The following TUBGCP6 variants were observed in gnomAD, a reference collection of about 807,000 sequenced individuals.
The protein encoded by TUBGCP6 is tubulin gamma complex component 6.
TUBGCP6 carries 161 observed loss-of-function variants against 175.8 expected under a neutral mutation model. The ratio of observed to expected loss-of-function variants is 0.92; its 90% CI spans 0.81 to 1.04. TUBGCP6 has a LOEUF of 1.04. TUBGCP6 is among the 50% of genes least tolerant of loss of function. The pLI is 0.00. For missense variants in TUBGCP6, 2,572 were observed against 2,433.0 expected (o/e 1.06, Z -1.20); for synonymous variants, 1,173 against 1,030.5 (o/e 1.14, Z -2.65).
chr22:50,238,086 T>G (rs929754798), intron 2 of TUBGCP6, among the ~76,000 whole-genome samples: 1 of 150,820 alleles, frequency 6.6e-6, no homozygotes, highest in African/African-American at 2.4e-5. Context: ...TGAGCCAAGA[T>G]TGCGCCATTG....
chr22:50,240,871 C>G (rs1232995601), intron 1 of TUBGCP6, among the ~76,000 whole-genome samples: 1 of 152,146 alleles, frequency 6.6e-6, no homozygotes, highest in Non-Finnish European at 1.5e-5. Flanking sequence ...CACCTGTGGT[C>G]CCAGCTACTC....
chr22:50,236,235 A>T (rs532632613), intron 2 of TUBGCP6, among the ~76,000 whole-genome samples: 2 of 152,006 alleles, frequency 1.3e-5, no homozygotes, highest in South Asian at 4.2e-4. Flanking sequence ...TGCTGGGTTC[A>T]CACCATTCTC....
intron 2 of TUBGCP6, among the ~76,000 whole-genome samples, chr22:50,237,164 G>A (rs190224042): frequency 6.6e-4 from 101 of 152,352 alleles, no homozygotes; most frequent in African/African-American, 2.1e-3. Flanking sequence ...TCAGCAGCAG[G>A]GAGGGCCGTG....
rs753188505 is a variant in TUBGCP6, at chr22:50,218,876, C to T, written c.4648G>A (p.Gly1550Arg). Reference protein sequence around the residue: ...FEKLGAGQTPGELLNPLVLNS... With the variant: ...FEKLGAGQTPRELLNPLVLNS... ...AGCACCAGCGGGTTGAGCAGCTCTCCGGGCGTTTGCCCAGCTCCAAGCTAG... is the reference window on the plus strand; with the variant it reads ...AGCACCAGCGGGTTGAGCAGCTCTCTGGGCGTTTGCCCAGCTCCAAGCTAG... The change falls in exon 21 of 25, where the codon GGA (glycine) becomes AGA (arginine). Residue 1550 changes from glycine to arginine, a missense_variant. Transcript: ENST00000248846. The T allele has an allele frequency of 1.5e-5, 24 of 1,612,366 alleles. No individual in the cohort carries two copies. The highest frequency in any genetic ancestry group is 9.9e-5 in the South Asian group (9 of 90,994).
Position 50,220,690 on chromosome 22 carries a change from G to A in TUBGCP6, c.3669C>T (p.Ile1223=). 6.2e-7 allele frequency: 1 copy of A among 1,610,694 alleles called. No homozygotes were observed. Among genetic ancestry groups the A allele is most frequent in the Non-Finnish European group, 8.5e-7 (1 of 1,179,726 alleles). ...CGTCCGATACGTTCTCCCCAACCCT[G>A]ATGCTGGTGTCAGACACATGTCCGT... is the stretch of plus-strand genomic sequence containing the variant. The part of the protein sequence containing the change: ...NTHGHVSDTS[I]RVGENVSDVA... The change falls in exon 16 of 25, where the codon ATC becomes ATT. Residue 1223 remains isoleucine, a synonymous_variant. Transcript: ENST00000248846.
chr22:50,220,111 TCCCCCACAGCAG>T (rs2064491438), intron 16 of TUBGCP6, 96 bp from the exon 17 acceptor site: 1 of 1,552,920 alleles, frequency 6.4e-7, no homozygotes, highest in South Asian at 1.2e-5. Context: ...CCCTCCCATG[TCCCCCACAGCAG>T]CCCAGGTCCT....
In TUBGCP6 at chr22:50,219,229, G is replaced by C. The variant is rs924165470; in HGVS notation, c.4485-20C>G. 6.2e-7 allele frequency: 1 copy of C among 1,610,946 alleles called. No individual in the cohort carries two copies. Among genetic ancestry groups the C allele is most frequent in the African/African-American group, 1.3e-5 (1 of 74,942 alleles). On this transcript the variant is annotated intron_variant, in intron 19 of 24. Transcript: ENST00000248846. ...GAGATGCTGGCAGGAGGGAGCTGGA[G>C]TCAGGGCGGGCCAGGACGGGCTGGG...
Position 50,218,033 on chromosome 22 carries a change from G to A in TUBGCP6, c.5253C>T (p.Leu1751=), listed in dbSNP as rs753483095. The change falls in exon 24 of 25, where the codon CTC becomes CTT. Residue 1751 remains leucine (L), a synonymous_variant. Coordinates refer to ENST00000248846, the MANE Select transcript of TUBGCP6 (RefSeq NM_020461.4). ...FSLVLKFRSQ[L]ISQAWGPPGG... is the part of the protein sequence containing the mutation. ...CAGGGGGCCCCCAGGCCTGGGAGAT[G>A]AGCTGGCTGCGGAACTTGAGCACGA... The A allele has an allele frequency of 9.9e-6, 16 of 1,613,362 alleles. No individual in the cohort carries two copies. The African/African-American group carries it at 1.6e-4, about 16-fold the overall frequency.
chr22:50,225,370 T>C (rs948197542), intron 10 of TUBGCP6, among the ~76,000 whole-genome samples: 2 of 151,666 alleles, frequency 1.3e-5, no homozygotes, highest in Admixed American at 6.6e-5. Flanking sequence ...CCTGACACAC[T>C]GTCCCTTCCC....
chr22:50,229,255 C>T, intron 4 of TUBGCP6, 149 bp downstream of exon 4: 1 of 912,272 alleles, frequency 1.1e-6, no homozygotes. Context: ...ACCCATCCCT[C>T]AAGAGCCACT....
In TUBGCP6 at chr22:50,218,505, A is replaced by C. The variant is rs143986659; in HGVS notation, c.4937T>G (p.Phe1646Cys). ...GGCCTCACCTGTGCGCTTGAGGTGG[A>C]AGCAGACGTCCTTGAGCGCCCACAT... ...LMMWALKDVC[F>C]HLKRTALLSH... Residue 1646 changes from phenylalanine to cysteine, a missense_variant, in exon 22 of 25, where the codon TTC becomes TGC. By Grantham distance (205) the Phe-to-Cys change is radical. Coordinates refer to ENST00000248846, the MANE Select transcript of TUBGCP6 (RefSeq NM_020461.4). The C allele has an allele frequency of 6.2e-6, 10 of 1,613,430 alleles. No homozygotes were observed. Among genetic ancestry groups the C allele is most frequent in the African/African-American group, 4.0e-5 (3 of 74,876 alleles).
intron 3 of TUBGCP6, among the ~76,000 whole-genome samples, chr22:50,231,437 G>A (rs996556540): frequency 6.6e-6 from 1 of 151,760 alleles, no homozygotes; most frequent in Non-Finnish European, 1.5e-5. Context: ...CTGGGCGACA[G>A]AGTGAGAATC....
chr22:50,224,157 GCTC>G lies in TUBGCP6; in HGVS notation c.2251_2253del (p.Glu751del). 2.5e-6 allele frequency: 4 copies of G among 1,613,666 alleles called. No homozygotes were observed. The highest frequency in any genetic ancestry group is 3.4e-6 in the Non-Finnish European group (4 of 1,179,980). ...CTGCCCTACCTCGCCTTCCTCTCCA[GCTC>G]CTCCTCCAGGGACTTCAGCCTTCTC... On this transcript the variant is annotated inframe_deletion, in exon 13 of 25. Transcript: ENST00000248846.
chr22:50,236,742 T>G (rs541544910), intron 2 of TUBGCP6, among the ~76,000 whole-genome samples: 1 of 152,272 alleles, frequency 6.6e-6, no homozygotes, highest in East Asian at 1.9e-4. Context: ...CCAGGCTCCC[T>G]CAGGATGAGA....
In TUBGCP6 at chr22:50,221,452, G is replaced by T; in HGVS notation, c.2907C>A (p.Pro969=). The T allele has an allele frequency of 6.3e-7, 1 of 1,595,082 alleles. No individual in the cohort carries two copies. The highest frequency in any genetic ancestry group is 2.3e-5 in the East Asian group (1 of 44,040). Residue 969 remains proline (P), a synonymous_variant, in exon 16 of 25, where the codon CCC becomes CCA. Transcript: ENST00000248846. ...CCAAGCTGCACTCTGCAGCCTGCAG[G>T]GGCCCTGGTGCAGGTGAGGTGGCCA... ...PAVATSPAPG[P]LQAAECSLGS...
chr22:50,238,723 G>C (rs1226076345), intron 2 of TUBGCP6, among the ~76,000 whole-genome samples: 1 of 152,110 alleles, frequency 6.6e-6, no homozygotes, highest in Non-Finnish European at 1.5e-5. Flanking sequence ...ATTTTTAGTA[G>C]AGACGGGGTT....
intron 2 of TUBGCP6, among the ~76,000 whole-genome samples, chr22:50,237,337 C>T (rs2064789467): frequency 6.6e-6 from 1 of 152,224 alleles, no homozygotes; most frequent in South Asian, 2.1e-4. Flanking sequence ...CTGGTCAGAG[C>T]TCATCACAGC....
rs565458864 is a variant in TUBGCP6 at position 50,232,490 on chromosome 22, T to C, written c.1116+826A>G. Among the ~76,000 whole-genome samples, 210 of 150,272 alleles carry C rather than the reference T, an allele frequency of 1.4e-3. 1 individual carries two copies. Among genetic ancestry groups the C allele is most frequent in the African/African-American group, 4.9e-3 (201 of 40,760 alleles). ...GAGGATTGAGATTCAGCCCAGGAGG[T>C]CGAGGCTACTGTGAGCTGTGATGGT... is the stretch of plus-strand genomic sequence containing the variant. On this transcript the variant is annotated intron_variant, in intron 3 of 24. Coordinates refer to ENST00000248846, the MANE Select transcript of TUBGCP6 (RefSeq NM_020461.4).
chr22:50,222,292 CTG>C, intron 14 of TUBGCP6, among the ~76,000 whole-genome samples, 160 bp downstream of exon 14: 1 of 152,192 alleles, frequency 6.6e-6, no homozygotes, highest in East Asian at 1.9e-4. Flanking sequence ...CCACCTGTAT[CTG>C]TGCAATTTGG....
Sources: allele counts gnomAD v4.1 joint callset (sites outside exome capture counted in the v4.1 genomes callset), GRCh38; gene constraint gnomAD v4.1.1; transcripts MANE v1.5; gene names NCBI Gene and HGNC (gene_info 2026-07-23, HGNC 2026-07-21).